Variants in SYCE1 observed in about 807,000 individuals in gnomAD.
The protein encoded by SYCE1 is cancer/testis antigen 76.
Under a neutral mutation model 55.1 loss-of-function variants are expected in SYCE1, and 37 were observed. That is an observed-to-expected ratio of 0.67 (90% CI 0.52 to 0.88). The LOEUF (loss-of-function observed/expected upper bound fraction) is 0.88. SYCE1 is among the 40% of genes least tolerant of loss of function. The pLI, the probability that SYCE1 is intolerant of heterozygous loss-of-function variation, is 0.00. For synonymous variants in SYCE1, 163 were observed against 159.4 expected (o/e 1.02, Z -0.17); for missense variants, 399 against 416.4 (o/e 0.96, Z 0.36).
intron 1 of SYCE1, among the ~76,000 whole-genome samples, chr10:133,562,260 A>AGT (rs1564858225): frequency 1.6e-4 from 19 of 121,982 alleles, no homozygotes; most frequent in African/African-American, 6.0e-4. Flanking sequence ...GCTAACATCC[A>AGT]ATGTGTGTGT....
chr10:133,567,024 A>G (rs926079636), upstream of SYCE1, among the ~76,000 whole-genome samples: 1 of 151,186 alleles, frequency 6.6e-6, no homozygotes, highest in African/African-American at 2.4e-5. Flanking sequence ...GGTTCGGGCT[A>G]GGGTTTTAGG....
chr10:133,559,727 C>T, intron 2 of SYCE1: 1 of 417,278 alleles, frequency 2.4e-6, no homozygotes. Flanking sequence ...TGCAAAGACC[C>T]ATCATGAGGT....
rs1250383627 is a variant in SYCE1, at chr10:133,555,697, G to GA, written c.729dup (p.Gln244SerfsTer8). 5.6e-6 allele frequency: 9 copies of GA among 1,605,478 alleles called. No individual in the cohort carries two copies. Among genetic ancestry groups the GA allele is most frequent in the African/African-American group, 1.3e-5 (1 of 74,914 alleles). ...TCCTCAGCCTTCCTGTGCTCTTCCT[G>GA]AAACAGCTGCCTGGGGGGCCCAGTA... is the stretch of plus-strand genomic sequence containing the variant. On this transcript the variant is annotated frameshift_variant, in exon 11 of 13. Coordinates refer to ENST00000343131, the MANE Select transcript of SYCE1 (RefSeq NM_001143764.3). LOFTEE classifies it high-confidence loss of function.
chr10:133,564,111 C>T (rs1851873896), intron 1 of SYCE1, among the ~76,000 whole-genome samples: 2 of 152,054 alleles, frequency 1.3e-5, no homozygotes, highest in South Asian at 4.2e-4. Flanking sequence ...ATCCTAACCC[C>T]CTAGTGTGAC....
At position 133,558,195 on chromosome 10, in the gene SYCE1, G is replaced by A. The variant is rs772432370; in HGVS notation, c.291C>T (p.His97=). 1 of 1,614,180 alleles carries A rather than the reference G, an allele frequency of 6.2e-7. No individual in the cohort carries two copies. Among genetic ancestry groups the A allele is most frequent in the South Asian group, 1.1e-5 (1 of 91,078 alleles). The change falls in exon 5 of 13, where the codon CAC becomes CAT. Residue 97 remains histidine, a synonymous_variant. Coordinates refer to ENST00000343131, the MANE Select transcript of SYCE1 (RefSeq NM_001143764.3). ...GTTTTTTGCTCAAGATCTCCTTCAG[G>A]TGTACTTTCTCTCCATGCACTAGAA... is the stretch of plus-strand genomic sequence containing the variant. The part of the protein sequence containing the change: ...ELDSLHGEKV[H]LKEILSKKQE...
At chr10:133,557,979 G>A in intron 5 of SYCE1, 61 bp from the exon 6 acceptor site, 1 of 1,588,772 alleles carries the variant, frequency 6.3e-7, no homozygotes, top group South Asian at 1.1e-5. Flanking sequence ...TTGGCAGGGG[G>A]AACACAGCCA....
chr10:133,558,758 T>C, intron 4 of SYCE1, 119 bp downstream of exon 4: 4 of 951,334 alleles, frequency 4.2e-6, no homozygotes, highest in Non-Finnish European at 4.8e-6. Context: ...TGGCAGGACA[T>C]GAGGCTAGAG....
At chr10:133,562,899 G>A (rs1851847329) in intron 1 of SYCE1, among the ~76,000 whole-genome samples, 2 of 152,140 alleles carry the variant, frequency 1.3e-5, no homozygotes, top group African/African-American at 2.4e-5. Flanking sequence ...CTCCCACCAG[G>A]CCCCAACTCC....
downstream of SYCE1, chr10:133,554,708 C>A (rs748434826): frequency 2.3e-5 from 19 of 821,804 alleles, no homozygotes; most frequent in Admixed American, 3.5e-5. Context: ...AAGAAATAAT[C>A]ACAAGGTATG....
downstream of SYCE1, chr10:133,554,622 C>A: frequency 1.4e-6 from 1 of 712,182 alleles, no homozygotes; most frequent in South Asian, 1.4e-5. Flanking sequence ...TGAACCCCAG[C>A]TCACTGATCC....
rs1234920719 is a variant in SYCE1 at position 133,565,556 on chromosome 10, C to T, written c.-27G>A. On this transcript the variant is annotated 5_prime_UTR_variant, in exon 1 of 13. Transcript: ENST00000343131. ...TCCTCTCAGCTCGCCAGCGAGGGTG[C>T]CTCGGGAGGGAGCCTCCAGTGGTGA... is the stretch of plus-strand genomic sequence containing the variant. 2 of 1,546,600 alleles carry T rather than the reference C, an allele frequency of 1.3e-6. No individual in the cohort carries two copies. The highest frequency in any genetic ancestry group is 1.7e-6 in the Non-Finnish European group (2 of 1,145,826).
chr10:133,564,180 A>G (rs1388709576), intron 1 of SYCE1, among the ~76,000 whole-genome samples: 1 of 152,138 alleles, frequency 6.6e-6, no homozygotes, highest in Admixed American at 6.6e-5. Flanking sequence ...GGCCCTCAGC[A>G]ATGGGATTAG....
intron 8 of SYCE1, chr10:133,556,461 T>TGGGGGACAAACAC (rs1341829091): frequency 3.7e-6 from 2 of 536,624 alleles, no homozygotes; most frequent in Non-Finnish European, 6.7e-6. Context: ...AGGATCCTCC[T>TGGGGGACAAACAC]GGGGGACAAA....
rs375373460 is a variant in SYCE1 at position 133,558,865 on chromosome 10, C to A, written c.271+12G>T. On this transcript the variant is annotated intron_variant, in intron 4 of 12. Coordinates refer to ENST00000343131, the MANE Select transcript of SYCE1 (RefSeq NM_001143764.3). ...ACTGTGGGGACCTCTGGGTGACCCCCGGCTCTCTTACGCGAGTCCAGTTCC... is the reference window on the plus strand; with the variant it reads ...ACTGTGGGGACCTCTGGGTGACCCCAGGCTCTCTTACGCGAGTCCAGTTCC... 6.2e-7 allele frequency: 1 copy of A among 1,613,266 alleles called. No individual in the cohort carries two copies. Among genetic ancestry groups the A allele is most frequent in the Non-Finnish European group, 8.5e-7 (1 of 1,179,726 alleles).
Position 133,555,390 on chromosome 10 carries a change from G to A in SYCE1, c.879C>T (p.Ala293=), listed in dbSNP as rs2133613179. The part of the protein sequence containing the change: ...EKHGMQVPAQ[A]QSTQEEEAGP... ...CAGCCTCTTCCTCTTGTGTGCTCTG[G>A]GCTTGGGCAGGGACTTGCATTCCAT... Residue 293 remains alanine (A), a synonymous_variant, in exon 12 of 13, where the codon GCC becomes GCT. Transcript: ENST00000343131. 1.2e-6 allele frequency: 2 copies of A among 1,614,068 alleles called. No individual in the cohort carries two copies. Among genetic ancestry groups the A allele is most frequent in the Middle Eastern group, 1.7e-4 (1 of 6,044 alleles).
chr10:133,558,116 T>C (rs768730141), intron 5 of SYCE1, 51 bp downstream of exon 5: 28 of 1,611,912 alleles, frequency 1.7e-5, no homozygotes, highest in Admixed American at 1.5e-4. Context: ...GAGAGTGGGC[T>C]TCTGTGGGTT....
At chr10:133,553,942 A>T (rs1851586895), downstream of SYCE1, 1 of 191,426 alleles carries the variant, frequency 5.2e-6, no homozygotes, top group Admixed American at 6.0e-5. Context: ...TTTTCACATG[A>T]ATAGGTGAAC....
intron 4 of SYCE1, chr10:133,558,476 C>A: frequency 3.5e-6 from 2 of 568,784 alleles, no homozygotes; most frequent in Non-Finnish European, 6.3e-6. Flanking sequence ...ATACCAACAC[C>A]CACGAAGTGG....
chr10:133,560,325 T>C, intron 1 of SYCE1, 172 bp from the exon 2 acceptor site: 1 of 553,118 alleles, frequency 1.8e-6, no homozygotes, highest in South Asian at 2.4e-5. Context: ...AGCTTTTCCC[T>C]ATAAGGTAAA....
Sources: gnomAD v4.1 joint callset for allele counts (sites outside exome capture counted in the v4.1 genomes callset) on GRCh38, gnomAD v4.1.1 for gene constraint, MANE v1.5 for transcripts, NCBI Gene and HGNC (gene_info 2026-07-23, HGNC 2026-07-21) for gene names.